IRF1: variants seen among roughly 807,000 people sequenced by gnomAD.
The protein encoded by IRF1 is interferon regulatory factor 1, also known as interferon regulatory factor-1.
A neutral mutation model predicts 43.7 loss-of-function variants in IRF1; 13 were observed. The observed-to-expected ratio is 0.30, with a 90% confidence interval of 0.19 to 0.47. IRF1 has a LOEUF of 0.47. Among genes scored for constraint, IRF1 ranks in the 20% least tolerant of loss-of-function variants. The pLI, the probability that IRF1 is intolerant of heterozygous loss-of-function variation, is 0.99. For synonymous variants in IRF1, 138 were observed against 146.8 expected (o/e 0.94, Z 0.43); for missense variants, 236 against 408.9 (o/e 0.58, Z 3.65).
intron 2 of IRF1, chr5:132,488,354 G>T: frequency 3.8e-6 from 1 of 261,852 alleles, no homozygotes. Flanking sequence ...GTTTCTCTCT[G>T]GCTTGTAAGC....
At chr5:132,485,849 A>ACATACACAC (rs111906639) in intron 7 of IRF1, 133 bp from the exon 8 acceptor site, 4 of 669,836 alleles carry the variant, frequency 6.0e-6, no homozygotes, top group Non-Finnish European at 5.4e-6. Flanking sequence ...ACACACACAC[A>ACATACACAC]CCCTCCCGGT....
rs1242762916 is a variant in IRF1, at chr5:132,488,122, C to T, written c.88-97G>A. ...CCCAGGCCTGCCCAGCCAGACAGGTCTGAGAAAAGGCTGACTTCCCCTTTT... is the reference window on the plus strand; with the variant it reads ...CCCAGGCCTGCCCAGCCAGACAGGTTTGAGAAAAGGCTGACTTCCCCTTTT... On this transcript the variant is annotated intron_variant, in intron 2 of 9. Coordinates refer to ENST00000245414, the MANE Select transcript of IRF1 (RefSeq NM_002198.3). The T allele has an allele frequency of 6.6e-5, 60 of 903,172 alleles. 1 individual carries two copies. The Middle Eastern group carries it at 8.6e-4, about 13-fold the overall frequency. The allele number at this position is 903,172 out of a possible 1,614,324, so 55.9% of individuals were successfully genotyped here.
intron 3 of IRF1, 113 bp downstream of exon 3, chr5:132,487,813 C>G (rs55759716): frequency 1.5e-6 from 1 of 679,668 alleles, no homozygotes; most frequent in Admixed American, 2.3e-5. Flanking sequence ...CCCAGTAATT[C>G]TGCATGTTGT....
intron 8 of IRF1, 163 bp from the exon 9 acceptor site, chr5:132,484,660 C>T (rs1378389722): frequency 3.7e-6 from 3 of 806,862 alleles, no homozygotes; most frequent in Admixed American, 2.7e-5. Context: ...GACAAGGGCC[C>T]GGGAGGGAGG....
intron 2 of IRF1, chr5:132,488,994 G>A (rs180858079): frequency 6.7e-4 from 135 of 200,426 alleles, no homozygotes; most frequent in African/African-American, 2.9e-3. Flanking sequence ...AGATTAACTC[G>A]TTTGTCCTCT....
chr5:132,486,108 C>T (rs1323883697), intron 7 of IRF1, 143 bp downstream of exon 7: 5 of 1,151,372 alleles, frequency 4.3e-6, no homozygotes, highest in African/African-American at 3.1e-5. Flanking sequence ...TCGCTTGCCT[C>T]CCCCTATGGT....
intron 3 of IRF1, chr5:132,487,578 G>A: frequency 2.7e-6 from 1 of 375,716 alleles, no homozygotes; most frequent in South Asian, 2.7e-5. Flanking sequence ...ATGAGGCTTG[G>A]ACCAAGGGCC....
intron 8 of IRF1, chr5:132,484,847 TAG>T (rs1754477375): frequency 1.0e-5 from 2 of 192,364 alleles, no homozygotes; most frequent in East Asian, 2.6e-4. Flanking sequence ...CTAGAAAAGC[TAG>T]AGATAAGGAA....
chr5:132,490,355 TCCCGCCCTC>T lies in IRF1; in HGVS notation c.-6+181_-6+189del, dbSNP rs1754683952. ...GTCCGGGTGGGCGGTCCACGCCGCG[TCCCGCCCTC>T]CCCGCGCCGCGGCCCGCGGCTCGCA... On this transcript the variant is annotated intron_variant, in intron 1 of 9. Coordinates refer to ENST00000245414, the MANE Select transcript of IRF1 (RefSeq NM_002198.3). This position sits in a 1 kb window ranked among gnomAD's most constrained non-coding sequence, Gnocchi z 5.8. 1 of 149,272 alleles carries T rather than the reference TCCCGCCCTC, an allele frequency of 6.7e-6. No individual in the cohort carries two copies. Among genetic ancestry groups the T allele is most frequent in the Non-Finnish European group, 1.5e-5 (1 of 67,130 alleles). The allele number at this position is 149,272 out of a possible 1,614,324, so 9.2% of individuals were successfully genotyped here. A position where few individuals can be genotyped will look rare whatever the true frequency, so the allele number is the denominator to read the frequency against.
At chr5:132,487,584 G>A in intron 3 of IRF1, 2 of 379,004 alleles carry the variant, frequency 5.3e-6, no homozygotes, top group Non-Finnish European at 9.9e-6. Flanking sequence ...CTTGGACCAA[G>A]GGCCTTGGTC....
At chr5:132,486,135 T>A in intron 7 of IRF1, 116 bp downstream of exon 7, 1 of 1,416,718 alleles carries the variant, frequency 7.1e-7, no homozygotes, top group Non-Finnish European at 9.7e-7. Flanking sequence ...GACTGGGCAA[T>A]GCCCAACTCA....
chr5:132,484,283 G>C (rs528427630), intron 9 of IRF1, 79 bp downstream of exon 9: 1 of 1,359,744 alleles, frequency 7.4e-7, no homozygotes, highest in South Asian at 1.4e-5. Flanking sequence ...CCTGCTCCCT[G>C]GCCCTGCCCC....
At chr5:132,486,053 C>T in intron 7 of IRF1, 198 bp downstream of exon 7, 1 of 705,408 alleles carries the variant, frequency 1.4e-6, no homozygotes, top group Non-Finnish European at 2.4e-6. Flanking sequence ...TCACCAGCCC[C>T]CACTGTACTG....
Position 132,490,379 on chromosome 5 carries a change from C to G in IRF1, c.-6+166G>C, listed in dbSNP as rs1269240893. 6.7e-6 allele frequency: 1 copy of G among 149,656 alleles called. No individual in the cohort carries two copies. The highest frequency in any genetic ancestry group is 1.5e-5 in the Non-Finnish European group (1 of 67,222). 9.3% of individuals were successfully genotyped at this position (149,656 alleles called of 1,614,324 possible). A position where few individuals can be genotyped will look rare whatever the true frequency, so the allele number is the denominator to read the frequency against. ...GTCCCGCCCTCCCCGCGCCGCGGCC[C>G]GCGGCTCGCAGCTCCTCCGGCGCCC... On this transcript the variant is annotated intron_variant, in intron 1 of 9. Transcript: ENST00000245414. This position sits in a 1 kb window ranked among gnomAD's most constrained non-coding sequence, Gnocchi z 5.8.
At chr5:132,485,480 A>C (rs1370671995) in intron 8 of IRF1, 187 bp downstream of exon 8, 2 of 659,552 alleles carry the variant, frequency 3.0e-6, no homozygotes, top group African/African-American at 3.6e-5. Flanking sequence ...CAGGCCTCCC[A>C]CCTGCCTTCC....
chr5:132,482,679 T>G lies in IRF1; in HGVS notation c.*1272A>C, dbSNP rs1383973870. ...AAATGAAAGGTTTTTTTTTTTTTTT[T>G]TTTTTTTGGTGCCCGGGCTGGAGTG... On this transcript the variant is annotated 3_prime_UTR_variant, in exon 10 of 10. Coordinates refer to ENST00000245414, the MANE Select transcript of IRF1 (RefSeq NM_002198.3). The G allele has an allele frequency of 1.0e-4, 15 of 148,310 alleles. No individual in the cohort carries two copies. The highest frequency in any genetic ancestry group is 4.5e-5 in the Non-Finnish European group (3 of 66,946). The allele number at this position is 148,310 out of a possible 1,614,324, so 9.2% of individuals were successfully genotyped here.
Position 132,484,436 on chromosome 5 carries a change from T to A in IRF1, c.779A>T (p.Glu260Val). ...GACAGAGGTGGGCTGGACTCCAGGT[T>A]CATTGAGTAGGTACCCCTTCCCATC... ...NVDGKGYLLN[E>V]PGVQPTSVYG... Residue 260 changes from glutamate (E) to valine (V), a missense_variant, in exon 9 of 10, where the codon GAA becomes GTA. Glu to Val is a moderately radical substitution (Grantham distance 121). This residue lies in a region of IRF1 where 170 missense variants were observed against 251.8 expected (regional missense o/e 0.68). Transcript: ENST00000245414. 1 of 1,614,194 alleles carries A rather than the reference T, an allele frequency of 6.2e-7. No homozygotes were observed. The highest frequency in any genetic ancestry group is 2.2e-5 in the East Asian group (1 of 44,882).
At chr5:132,486,723 C>T (rs777082730) in intron 5 of IRF1, 37 bp from the exon 6 acceptor site, 1 of 1,614,152 alleles carries the variant, frequency 6.2e-7, no homozygotes, top group East Asian at 2.2e-5. Context: ...CCAGGCCCAC[C>T]TTAGCATTTC....
intron 2 of IRF1, 119 bp from the exon 3 acceptor site, chr5:132,488,144 T>A: frequency 9.8e-6 from 7 of 715,150 alleles, no homozygotes; most frequent in Non-Finnish European, 1.7e-5. Context: ...TGACTTCCCC[T>A]TTTTTCCCCT....
Sources: allele counts gnomAD v4.1 joint callset, GRCh38; gene constraint gnomAD v4.1.1; regional missense constraint gnomAD v4.1.1; non-coding constraint Gnocchi (gnomAD v3.1); transcripts MANE v1.5; gene names NCBI Gene and HGNC (gene_info 2026-07-23, HGNC 2026-07-21).